DMD: variants seen among roughly 807,000 people sequenced by gnomAD.
The protein encoded by DMD is dystrophin.
A neutral mutation model predicts 330.1 loss-of-function variants in DMD; 63 were observed. That is an observed-to-expected ratio of 0.19 (90% CI 0.16 to 0.24). DMD has a LOEUF of 0.24. Among genes scored for constraint, DMD ranks in the 10% least tolerant of loss-of-function variants. The pLI is 1.00. For missense variants in DMD, 3,344 were observed against 2,684.1 expected, an observed-to-expected ratio of 1.25 and a Z score of -5.43; for synonymous variants, 1,223 against 959.8, an observed-to-expected ratio of 1.27 and a Z score of -5.07.
At position 31,531,765 on chromosome X, in the gene DMD, A is replaced by G. The variant is rs1028543498; in HGVS notation, c.8218-24312T>C. Among the ~76,000 whole-genome samples the G allele has an allele frequency of 1.5e-4, 16 of 108,667 alleles. 1 individual carries two copies. The highest frequency in any genetic ancestry group is 2.7e-4 in the Non-Finnish European group (14 of 52,534). The allele number at this position is 108,667 out of a possible 115,157, so 94.4% of individuals were successfully genotyped here. A position where few individuals can be genotyped will look rare whatever the true frequency, so the allele number is the denominator to read the frequency against. On this transcript the variant is annotated intron_variant, in intron 55 of 78. Coordinates refer to ENST00000357033, the MANE Select transcript of DMD (RefSeq NM_004006.3). ...AAATTTAGAAGAATGTATAACTAGA[A>G]TAACGAATACAGAGAAGTGCTTAAA...
intron 1 of DMD, among the ~76,000 whole-genome samples, chrX:33,198,248 C>T (rs187786638): frequency 0.016 from 1,815 of 111,136 alleles, 35 homozygotes; most frequent in African/African-American, 0.056. Flanking sequence ...TCTATTAAGG[C>T]TTTTCCCACA....
intron 2 of DMD, among the ~76,000 whole-genome samples, chrX:32,895,844 CGTGTGTGTGTGTGTGT>C (rs5902042): frequency 2.0e-5 from 2 of 99,789 alleles, no homozygotes; most frequent in Non-Finnish European, 4.0e-5. Context: ...TTGGAATGAA[CGTGTGTGTGTGTGTGT>C]GTGTGTGTGT....
chrX:31,707,819 T>A (rs1478052730), intron 52 of DMD, among the ~76,000 whole-genome samples: 1 of 110,702 alleles, frequency 9.0e-6, no homozygotes, highest in Non-Finnish European at 1.9e-5. Context: ...AATGGAACTA[T>A]GAATTAAGGA....
At chrX:31,878,694 A>G (rs1256723823) in intron 47 of DMD, among the ~76,000 whole-genome samples, 2 of 112,547 alleles carry the variant, frequency 1.8e-5, no homozygotes, top group Non-Finnish European at 3.8e-5. Flanking sequence ...AACAACCCAA[A>G]AGAAAATTGG....
intron 51 of DMD, among the ~76,000 whole-genome samples, chrX:31,769,437 A>T (rs2090200131): frequency 8.9e-6 from 1 of 112,204 alleles, no homozygotes; most frequent in Admixed American, 9.5e-5. Context: ...AGGTATTGGT[A>T]TATGAATGGT....
chrX:33,137,906 AT>A (rs1232962268), intron 1 of DMD, among the ~76,000 whole-genome samples: 1 of 112,142 alleles, frequency 8.9e-6, no homozygotes, highest in African/African-American at 3.2e-5. Flanking sequence ...TTAAAAGTTT[AT>A]TAACAAAACA....
chrX:31,741,117 A>G (rs1456220252), intron 51 of DMD, among the ~76,000 whole-genome samples: 2 of 111,826 alleles, frequency 1.8e-5, no homozygotes, highest in Middle Eastern at 4.6e-3. Context: ...ATTCAGTCAC[A>G]CCTTCTGACT....
Position 33,107,320 on chromosome X carries a change from C to T in DMD, c.32-87120G>A, listed in dbSNP as rs1245141736. Among the ~76,000 whole-genome samples, 6 of 80,503 alleles carry T rather than the reference C, an allele frequency of 7.5e-5. No individual in the cohort carries two copies. In the South Asian group the frequency reaches 2.2e-3, roughly 29 times the overall value. The allele number at this position is 80,503 out of a possible 115,157, so 69.9% of individuals were successfully genotyped here. A position where few individuals can be genotyped will look rare whatever the true frequency, so the allele number is the denominator to read the frequency against. ...AGAGCGAAGCTCTGTCCCCCCCCCC[C>T]CCCCAACACACACAAAAAAAACAGC... On this transcript the variant is annotated intron_variant, in intron 1 of 78. Transcript: ENST00000357033.
intron 7 of DMD, among the ~76,000 whole-genome samples, chrX:32,724,070 G>A (rs987780396): frequency 2.7e-5 from 3 of 111,655 alleles, no homozygotes; most frequent in Admixed American, 9.6e-5. Flanking sequence ...TATTTCAAAT[G>A]ATGACAATTA....
chrX:31,688,173 T>G (rs542697925), intron 52 of DMD, among the ~76,000 whole-genome samples: 15 of 110,013 alleles, frequency 1.4e-4, no homozygotes, highest in African/African-American at 5.0e-4. Context: ...AATCAATGAA[T>G]CCAGGAGCCA....
chrX:32,326,626 T>A (rs1278427235), intron 41 of DMD, among the ~76,000 whole-genome samples: 1 of 112,047 alleles, frequency 8.9e-6, no homozygotes, highest in Non-Finnish European at 1.9e-5. Context: ...ATCCTTGGGC[T>A]GGGCGCCATG....
At chrX:32,549,846 T>G (rs929828885) in intron 16 of DMD, among the ~76,000 whole-genome samples, 10 of 111,513 alleles carry the variant, frequency 9.0e-5, no homozygotes, top group Admixed American at 8.6e-4. Context: ...GTTTAAAAAA[T>G]GCACATTTAA....
At chrX:32,386,113 T>C (rs1603632237) in intron 33 of DMD, among the ~76,000 whole-genome samples, 197 bp downstream of exon 33, 1 of 110,452 alleles carries the variant, frequency 9.1e-6, no homozygotes, top group Non-Finnish European at 1.9e-5. Context: ...GAAATATGTG[T>C]ATATGTTTAT....
chrX:33,096,501 C>CTTTTTT (rs752228692), intron 1 of DMD, among the ~76,000 whole-genome samples: 1 of 93,729 alleles, frequency 1.1e-5, no homozygotes, highest in Non-Finnish European at 2.2e-5. Flanking sequence ...TTGGAGACGA[C>CTTTTTT]TTTTTTTTTT....
At chrX:32,688,058 C>T (rs1056626073) in intron 9 of DMD, among the ~76,000 whole-genome samples, 2 of 111,930 alleles carry the variant, frequency 1.8e-5, no homozygotes, top group Non-Finnish European at 3.8e-5. Flanking sequence ...TGCATCTAGC[C>T]TACATGTGGA....
intron 37 of DMD, among the ~76,000 whole-genome samples, chrX:32,351,292 A>G (rs1337040922): frequency 3.6e-5 from 4 of 110,646 alleles, no homozygotes; most frequent in Non-Finnish European, 7.6e-5. Flanking sequence ...AGGATAAAAT[A>G]CATGCTTATT....
At chrX:32,323,044 T>C (rs1475143751) in intron 41 of DMD, among the ~76,000 whole-genome samples, 1 of 112,278 alleles carries the variant, frequency 8.9e-6, no homozygotes, top group Non-Finnish European at 1.9e-5. Flanking sequence ...ATTTAACCAG[T>C]CATCGATCGA....
intron 43 of DMD, among the ~76,000 whole-genome samples, chrX:32,285,254 TAAG>T (rs767817767): frequency 9.0e-6 from 1 of 110,851 alleles, no homozygotes; most frequent in Admixed American, 9.6e-5. Flanking sequence ...ACACTGACTA[TAAG>T]AAGACAAACC....
At chrX:31,993,729 AT>A (rs1183502351) in intron 44 of DMD, among the ~76,000 whole-genome samples, 2 of 112,403 alleles carry the variant, frequency 1.8e-5, no homozygotes, top group African/African-American at 6.5e-5. Context: ...GGCACAAAAA[AT>A]GTAGCAAATA....
Sources: allele counts gnomAD v4.1 joint callset (sites outside exome capture counted in the v4.1 genomes callset), GRCh38; gene constraint gnomAD v4.1.1; transcripts MANE v1.5; gene names NCBI Gene and HGNC (gene_info 2026-07-23, HGNC 2026-07-21).